NINL: variants seen among roughly 807,000 people sequenced by gnomAD.
NINL encodes the protein ninein-like protein.
In NINL, 153 loss-of-function variants were observed where a neutral mutation model predicts 160.3. That is an observed-to-expected ratio of 0.95 (90% CI 0.84 to 1.09). The LOEUF is 1.09. Ranked by LOEUF, NINL falls within the 50% of genes least tolerant of loss-of-function variation. The pLI is 0.00. For synonymous variants in NINL, 800 were observed against 734.8 expected (o/e 1.09, Z -1.43); for missense variants, 1,829 against 1,764.0 (o/e 1.04, Z -0.66).
chr20:25,474,043 G>A (rs1283985468), intron 17 of NINL, among the ~76,000 whole-genome samples: 3 of 152,230 alleles, frequency 2.0e-5, no homozygotes, highest in African/African-American at 4.8e-5. Flanking sequence ...ACAGCAGGGG[G>A]AATGAAGGCT....
At chr20:25,472,340 T>G (rs1262682380) in intron 17 of NINL, among the ~76,000 whole-genome samples, 3 of 100,472 alleles carry the variant, frequency 3.0e-5, no homozygotes, top group East Asian at 2.1e-4. Context: ...TATATATATA[T>G]ATATATATAT....
At chr20:25,458,706 G>A (rs112116809) in intron 21 of NINL, 177 bp from the exon 22 acceptor site, 1 of 663,562 alleles carries the variant, frequency 1.5e-6, no homozygotes. Context: ...GGACAGCCAG[G>A]CTGCTGTCAG....
chr20:25,578,221 T>C (rs993308192), intron 1 of NINL, among the ~76,000 whole-genome samples: 1 of 150,736 alleles, frequency 6.6e-6, no homozygotes, highest in African/African-American at 2.4e-5. Context: ...GATTCTTCCA[T>C]GTCAGCCTCT....
intron 1 of NINL, among the ~76,000 whole-genome samples, chr20:25,562,274 A>AC (rs2064952890): frequency 2.5e-4 from 17 of 67,380 alleles, no homozygotes; most frequent in African/African-American, 1.0e-3. Flanking sequence ...CTGCCCGGCC[A>AC]CCACCCCGTC....
At chr20:25,496,046 T>C (rs2063746371) in intron 10 of NINL, among the ~76,000 whole-genome samples, 1 of 152,192 alleles carries the variant, frequency 6.6e-6, no homozygotes, top group African/African-American at 2.4e-5. Flanking sequence ...CTTGGGAGGC[T>C]GATGCAGGAG....
intron 1 of NINL, among the ~76,000 whole-genome samples, chr20:25,545,840 G>A (rs1162326158): frequency 6.6e-6 from 1 of 152,132 alleles, no homozygotes; most frequent in Non-Finnish European, 1.5e-5. Context: ...TCCTTTTCCA[G>A]GCCTTCTTCC....
intron 19 of NINL, among the ~76,000 whole-genome samples, chr20:25,464,272 C>T (rs2062857862): frequency 6.6e-6 from 1 of 152,148 alleles, no homozygotes; most frequent in African/African-American, 2.4e-5. Flanking sequence ...CAAAAATTAG[C>T]CGGGCTTGGT....
At chr20:25,489,380 G>T in intron 12 of NINL, 56 bp from the exon 13 acceptor site, 1 of 1,497,890 alleles carries the variant, frequency 6.7e-7, no homozygotes. Flanking sequence ...AGGGGGACCT[G>T]CTTCTCCAGC....
intron 12 of NINL, among the ~76,000 whole-genome samples, 174 bp downstream of exon 12, chr20:25,489,701 T>G (rs985880077): frequency 6.6e-6 from 1 of 152,042 alleles, no homozygotes; most frequent in African/African-American, 2.4e-5. Flanking sequence ...CCCCCCACAT[T>G]GTCATGCAGA....
intron 1 of NINL, among the ~76,000 whole-genome samples, chr20:25,544,366 C>G (rs1349700081): frequency 6.6e-6 from 1 of 152,192 alleles, no homozygotes; most frequent in East Asian, 1.9e-4. Context: ...ATTAGTTCTA[C>G]TCTGCATCTC....
At chr20:25,522,572 G>C (rs1007194319) in intron 2 of NINL, among the ~76,000 whole-genome samples, 1 of 152,180 alleles carries the variant, frequency 6.6e-6, no homozygotes, top group Non-Finnish European at 1.5e-5. Flanking sequence ...GTGTTGCCTA[G>C]CACATAATAA....
chr20:25,584,981 T>TG (rs560250611), intron 1 of NINL, among the ~76,000 whole-genome samples: 58 of 152,276 alleles, frequency 3.8e-4, no homozygotes, highest in South Asian at 1.0e-3. Flanking sequence ...TCCCGCTCCG[T>TG]GGGGGGCCGC....
At chr20:25,457,324 A>AAAAAC (rs142842454) in intron 22 of NINL, among the ~76,000 whole-genome samples, 9 of 152,198 alleles carry the variant, frequency 5.9e-5, no homozygotes, top group South Asian at 2.1e-4. Context: ...CTCTGTCTCA[A>AAAAAC]AAAACAAAAC....
intron 5 of NINL, among the ~76,000 whole-genome samples, chr20:25,510,056 C>G (rs1388177901): frequency 6.6e-6 from 1 of 152,256 alleles, no homozygotes; most frequent in Non-Finnish European, 1.5e-5. Context: ...CCAGATCTTG[C>G]AGAGGGCACC....
intron 1 of NINL, among the ~76,000 whole-genome samples, chr20:25,543,272 G>A (rs1451508397): frequency 6.6e-6 from 1 of 152,030 alleles, no homozygotes; most frequent in Admixed American, 6.5e-5. Context: ...AGTTGCAGCC[G>A]GGTGTGGTGA....
intron 1 of NINL, among the ~76,000 whole-genome samples, chr20:25,570,722 A>C (rs2065045221): frequency 1.2e-5 from 1 of 80,128 alleles, no homozygotes; most frequent in Non-Finnish European, 2.3e-5. Context: ...TTTTTTTGAG[A>C]AGGAGTTGCT....
At chr20:25,491,191 C>T (rs2063623943) in intron 11 of NINL, among the ~76,000 whole-genome samples, 160 bp downstream of exon 11, 1 of 152,230 alleles carries the variant, frequency 6.6e-6, no homozygotes, top group African/African-American at 2.4e-5. Flanking sequence ...GCAAGTGGGA[C>T]ACCTCCTCAC....
intron 5 of NINL, among the ~76,000 whole-genome samples, chr20:25,508,286 CTA>C (rs2064000740): frequency 6.6e-6 from 1 of 152,228 alleles, no homozygotes; most frequent in Non-Finnish European, 1.5e-5. Flanking sequence ...TCTATCCAAG[CTA>C]TGTTTCTGCA....
chr20:25,554,624 CAAA>C (rs1239768383), intron 1 of NINL, among the ~76,000 whole-genome samples: 4 of 49,686 alleles, frequency 8.1e-5, no homozygotes, highest in Admixed American at 5.0e-4. Context: ...TGTTCTTTAC[CAAA>C]AAAAAAAACA....
Sources: allele counts gnomAD v4.1 joint callset (sites outside exome capture counted in the v4.1 genomes callset), GRCh38; gene constraint gnomAD v4.1.1; transcripts MANE v1.5; gene names NCBI Gene and HGNC (gene_info 2026-07-23, HGNC 2026-07-21).